The following LTBP4 variants were observed in gnomAD, a reference collection of about 807,000 sequenced individuals.
The protein encoded by LTBP4 is latent-transforming growth factor beta-binding protein 4.
A neutral mutation model predicts 180.2 loss-of-function variants in LTBP4; 93 were observed. That is an observed-to-expected ratio of 0.52 (90% CI 0.44 to 0.61). LTBP4 has a LOEUF of 0.61. LTBP4 is among the 20% of genes least tolerant of loss of function. The pLI, the probability that LTBP4 is intolerant of heterozygous loss-of-function variation, is 0.00. For missense variants in LTBP4, 2,116 were observed against 2,256.5 expected, an observed-to-expected ratio of 0.94 and a Z score of 1.26; for synonymous variants, 947 against 934.5, an observed-to-expected ratio of 1.01 and a Z score of -0.24.
In LTBP4 at chr19:40,605,860, C is replaced by G; in HGVS notation, c.793+29C>G. On this transcript the variant is annotated intron_variant, in intron 4 of 29. Coordinates refer to ENST00000396819, the MANE Select transcript of LTBP4 (RefSeq NM_001042545.2). The surrounding 1 kb of genome is among the most constrained non-coding windows in gnomAD (Gnocchi z 5.5). ...AGCCCCAGGACGTCCCCGAAGTGCT[C>G]GGAGCTGGGGAGTGGTGACAACCTC... 6.5e-7 allele frequency: 1 copy of G among 1,532,228 alleles called. No homozygotes were observed. The highest frequency in any genetic ancestry group is 8.7e-7 in the Non-Finnish European group (1 of 1,144,234). 94.9% of individuals were successfully genotyped at this position (1,532,228 alleles called of 1,614,324 possible). A position where few individuals can be genotyped will look rare whatever the true frequency, so the allele number is the denominator to read the frequency against.
At chr19:40,603,941 G>T (rs1475586994) in intron 1 of LTBP4, among the ~76,000 whole-genome samples, 2 of 152,408 alleles carry the variant, frequency 1.3e-5, no homozygotes, top group East Asian at 3.8e-4. Flanking sequence ...CCCGCCCAGA[G>T]GTGGCCTGGG....
At chr19:40,623,529 T>C (rs2081602025) in intron 24 of LTBP4, 75 bp from the exon 25 acceptor site, 4 of 1,526,480 alleles carry the variant, frequency 2.6e-6, no homozygotes, top group East Asian at 2.3e-5. Flanking sequence ...GCTCTGTCTC[T>C]GTCTTCCCAC....
chr19:40,613,850 G>A lies in LTBP4; in HGVS notation c.2558-66G>A, dbSNP rs1243633806. The A allele has an allele frequency of 2.5e-6, 4 of 1,605,938 alleles. No individual in the cohort carries two copies. The Admixed American group carries it at 5.0e-5, about 20-fold the overall frequency. On this transcript the variant is annotated intron_variant, in intron 17 of 29. Transcript: ENST00000396819. This position sits in a 1 kb window ranked among gnomAD's most constrained non-coding sequence, Gnocchi z 5.0. ...CTAGGAGAGCCGAGGGGCGGTGGAG[G>A]GGTGTGGCCTAGAATGTTAGGCGGA...
chr19:40,605,334 C>G lies in LTBP4; in HGVS notation c.443-71C>G, dbSNP rs2081451598. 6.3e-7 allele frequency: 1 copy of G among 1,591,856 alleles called. No homozygotes were observed. Reference sequence around the variant, plus strand: ...CGAGCACCTTTGCCCAGCTCGCCCTCCCCGCCTTGTCTAGCCCCACCCCGT... The same window carrying G: ...CGAGCACCTTTGCCCAGCTCGCCCTGCCCGCCTTGTCTAGCCCCACCCCGT... On this transcript the variant is annotated intron_variant, in intron 2 of 29. Transcript: ENST00000396819. The surrounding 1 kb of genome is among the most constrained non-coding windows in gnomAD (Gnocchi z 5.5).
rs1245960574 is a variant in LTBP4 at position 40,629,617 on chromosome 19, C to G, written c.*67C>G. 2.3e-6 allele frequency: 3 copies of G among 1,313,554 alleles called. No individual in the cohort carries two copies. Among genetic ancestry groups the G allele is most frequent in the Middle Eastern group, 2.6e-4 (1 of 3,806 alleles). 81.4% of individuals were successfully genotyped at this position (1,313,554 alleles called of 1,614,324 possible). On this transcript the variant is annotated 3_prime_UTR_variant, in exon 30 of 30. Coordinates refer to ENST00000396819, the MANE Select transcript of LTBP4 (RefSeq NM_001042545.2). The surrounding 1 kb of genome is among the most constrained non-coding windows in gnomAD (Gnocchi z 4.5). The stretch of plus-strand genomic sequence containing the variant: ...GGGCCCCTGCCGCGCATCCTGCAGC[C>G]CGCTTATGCGTATGTGCACGGGGCC...
chr19:40,617,054 A>C (rs2081554224), intron 20 of LTBP4, 34 bp downstream of exon 20: 2 of 1,613,138 alleles, frequency 1.2e-6, no homozygotes, highest in Non-Finnish European at 1.7e-6. Flanking sequence ...TGAGATGTGG[A>C]GATGGTAGAA....
At chr19:40,625,316 A>ATATATATATATATATATATTTT (rs1568414647) in intron 26 of LTBP4, among the ~76,000 whole-genome samples, 4 of 21,938 alleles carry the variant, frequency 1.8e-4, no homozygotes, top group Non-Finnish European at 3.2e-4. Context: ...ATATATATAT[A>ATATATATATATATATATATTTT]TTTTTTTTTT....
At chr19:40,625,108 G>A (rs1033309905) in intron 26 of LTBP4, among the ~76,000 whole-genome samples, 3 of 149,344 alleles carry the variant, frequency 2.0e-5, no homozygotes, top group Non-Finnish European at 3.0e-5. Context: ...ACAAGATCTC[G>A]CTCTGTCATC....
chr19:40,627,507 CAAAG>C (rs1229669160), intron 28 of LTBP4, among the ~76,000 whole-genome samples, 152 bp downstream of exon 28: 1 of 152,070 alleles, frequency 6.6e-6, no homozygotes, highest in African/African-American at 2.4e-5. Context: ...TATAGCCCGG[CAAAG>C]AAAGAGAAGG....
chr19:40,599,584 A>G, upstream of LTBP4: 2 of 1,586,484 alleles, frequency 1.3e-6, no homozygotes, highest in Non-Finnish European at 1.7e-6. Context: ...CCCCTACCAA[A>G]TCCTCCCTCA....
upstream of LTBP4, chr19:40,597,316 GCCAGCC>G (rs1030018396): frequency 2.0e-5 from 31 of 1,525,256 alleles, 1 homozygote; most frequent in South Asian, 4.8e-5. Context: ...CACCTCCGCC[GCCAGCC>G]CCAGCCCCAG....
In LTBP4 at chr19:40,605,915, C is replaced by A; in HGVS notation, c.793+84C>A. 1 of 1,406,812 alleles carries A rather than the reference C, an allele frequency of 7.1e-7. No homozygotes were observed. The allele number at this position is 1,406,812 out of a possible 1,614,324, so 87.1% of individuals were successfully genotyped here. A position where few individuals can be genotyped will look rare whatever the true frequency, so the allele number is the denominator to read the frequency against. Reference sequence around the variant, plus strand: ...TTCCTCCTACTCTGCCCTAGATAAACCCAGTTCACAAATTGTAGCCACGCC... The same window carrying A: ...TTCCTCCTACTCTGCCCTAGATAAAACCAGTTCACAAATTGTAGCCACGCC... On this transcript the variant is annotated intron_variant, in intron 4 of 29. Coordinates refer to ENST00000396819, the MANE Select transcript of LTBP4 (RefSeq NM_001042545.2). This position sits in a 1 kb window ranked among gnomAD's most constrained non-coding sequence, Gnocchi z 5.5.
Position 40,608,697 on chromosome 19 carries a change from G to T in LTBP4, c.1426+94G>T, listed in dbSNP as rs909257890. 5 of 1,438,780 alleles carry T rather than the reference G, an allele frequency of 3.5e-6. No individual in the cohort carries two copies. In the African/African-American group the frequency reaches 7.1e-5, roughly 20 times the overall value. 89.1% of individuals were successfully genotyped at this position (1,438,780 alleles called of 1,614,324 possible). The stretch of plus-strand genomic sequence containing the variant: ...GGAGGCTGAGGAGGGTGGATCACCA[G>T]GTCAGGAGTTCGAGACCAGCCTGGC... On this transcript the variant is annotated intron_variant, in intron 9 of 29. Coordinates refer to ENST00000396819, the MANE Select transcript of LTBP4 (RefSeq NM_001042545.2).
upstream of LTBP4, among the ~76,000 whole-genome samples, chr19:40,601,165 AG>A (rs1011134212): frequency 6.6e-6 from 1 of 151,918 alleles, no homozygotes; most frequent in African/African-American, 2.4e-5. Flanking sequence ...ATGGGGACAG[AG>A]GGGGCGCCCC....
intron 1 of LTBP4, among the ~76,000 whole-genome samples, chr19:40,602,455 G>A (rs2081431190): frequency 6.6e-6 from 1 of 152,074 alleles, no homozygotes; most frequent in African/African-American, 2.4e-5. Context: ...ACCCTATGGA[G>A]TGGGGAGTGG....
At chr19:40,603,870 C>A (rs927898052) in intron 1 of LTBP4, among the ~76,000 whole-genome samples, 1 of 152,230 alleles carries the variant, frequency 6.6e-6, no homozygotes. Flanking sequence ...GAATGTGGAG[C>A]CTCCGCCCTG....
At chr19:40,603,383 A>T (rs1242175501) in intron 1 of LTBP4, among the ~76,000 whole-genome samples, 4 of 152,126 alleles carry the variant, frequency 2.6e-5, no homozygotes, top group Non-Finnish European at 4.4e-5. Context: ...GACTCGGCCA[A>T]TTGAGCCTCT....
At chr19:40,602,663 T>C (rs2081432965) in intron 1 of LTBP4, among the ~76,000 whole-genome samples, 1 of 152,144 alleles carries the variant, frequency 6.6e-6, no homozygotes, top group South Asian at 2.1e-4. Context: ...TGCCAAGCCC[T>C]TGGGGGTGCA....
At position 40,613,964 on chromosome 19, in the gene LTBP4, C is replaced by G; in HGVS notation, c.2606C>G (p.Thr869Ser). 6.2e-7 allele frequency: 1 copy of G among 1,613,446 alleles called. No homozygotes were observed. Among genetic ancestry groups the G allele is most frequent in the South Asian group, 1.1e-5 (1 of 91,054 alleles). The change falls in exon 18 of 30, where the codon ACC (threonine) becomes AGC (serine). Residue 869 changes from threonine to serine, a missense_variant. Thr to Ser is a moderately conservative substitution (Grantham distance 58). Transcript: ENST00000396819. The surrounding 1 kb of genome is among the most constrained non-coding windows in gnomAD (Gnocchi z 5.0). Reference sequence around the variant, plus strand: ...GACCTTTGCCAGAGCGGCATCTGTACCAACACCGACGGCTCCTTCGAGTGC... The same window carrying G: ...GACCTTTGCCAGAGCGGCATCTGTAGCAACACCGACGGCTCCTTCGAGTGC... Reference protein sequence around the residue: ...EEDLCQSGICTNTDGSFECIC... With the variant: ...EEDLCQSGICSNTDGSFECIC...
Sources: gnomAD v4.1 joint callset for allele counts (sites outside exome capture counted in the v4.1 genomes callset) on GRCh38, gnomAD v4.1.1 for gene constraint, Gnocchi (gnomAD v3.1) non-coding constraint, MANE v1.5 for transcripts, NCBI Gene and HGNC (gene_info 2026-07-23, HGNC 2026-07-21) for gene names.